Variants in SGCD observed in about 807,000 individuals in gnomAD.
The protein encoded by SGCD is sarcoglycan delta.
SGCD carries 18 observed loss-of-function variants against 36.6 expected under a neutral mutation model. The ratio of observed to expected loss-of-function variants is 0.49; its 90% CI spans 0.34 to 0.73. The LOEUF (loss-of-function observed/expected upper bound fraction) is 0.73. Among genes scored for constraint, SGCD ranks in the 30% least tolerant of loss-of-function variants. SGCD has a pLI of 0.01. For synonymous variants in SGCD, 133 were observed against 130.6 expected (o/e 1.02, Z -0.12); for missense variants, 387 against 346.7 (o/e 1.12, Z -0.92).
At chr5:156,360,619 T>G (rs1042971074) in intron 3 of SGCD, among the ~76,000 whole-genome samples, 3 of 152,002 alleles carry the variant, frequency 2.0e-5, no homozygotes, top group Admixed American at 6.6e-5. Flanking sequence ...CAGCACACAC[T>G]TCCCATCCTG....
At chr5:156,091,246 G>A (rs564872325) in intron 1 of SGCD, among the ~76,000 whole-genome samples, 27 of 152,284 alleles carry the variant, frequency 1.8e-4, no homozygotes, top group African/African-American at 6.5e-4. Flanking sequence ...TTTTAATTTT[G>A]GGAACTAATA....
chr5:155,739,564 G>T, the SGCD span, among the ~76,000 whole-genome samples: 1 of 152,166 alleles, frequency 6.6e-6, no homozygotes, highest in African/African-American at 2.4e-5. Context: ...TAAATTATAA[G>T]AAAATACACT....
intron 3 of SGCD, among the ~76,000 whole-genome samples, chr5:156,456,721 C>T (rs1177087499): frequency 6.6e-6 from 1 of 152,130 alleles, no homozygotes; most frequent in Non-Finnish European, 1.5e-5. Context: ...TTGTTGACGC[C>T]TTAATTTCTG....
chr5:156,308,321 C>T lies in SGCD; in HGVS notation c.-43-21213C>T, dbSNP rs552749426. Among the ~76,000 whole-genome samples, 307 of 145,418 alleles carry T rather than the reference C, an allele frequency of 2.1e-3. 1 individual carries two copies. The highest frequency in any genetic ancestry group is 6.3e-3 in the South Asian group (29 of 4,640). ...CATACTTTTTTTTTTTTTTTTGAGACGGAGTCTCGCCCTGTCACCCAGGCT... is the reference window on the plus strand; with the variant it reads ...CATACTTTTTTTTTTTTTTTTGAGATGGAGTCTCGCCCTGTCACCCAGGCT... On this transcript the variant is annotated intron_variant, in intron 3 of 9. Transcript: ENST00000517913.
At chr5:156,376,185 T>A (rs2127743775) in intron 3 of SGCD, among the ~76,000 whole-genome samples, 1 of 152,356 alleles carries the variant, frequency 6.6e-6, no homozygotes, top group South Asian at 2.1e-4. Flanking sequence ...GAACCCAGTC[T>A]AAAGGAGGTT....
chr5:156,242,201 C>T (rs1304195102), intron 3 of SGCD, among the ~76,000 whole-genome samples: 1 of 152,110 alleles, frequency 6.6e-6, no homozygotes. Flanking sequence ...TTGCTAAGTT[C>T]AAAATCTTAG....
At chr5:156,084,333 G>A (rs186305162) in intron 1 of SGCD, among the ~76,000 whole-genome samples, 1 of 152,118 alleles carries the variant, frequency 6.6e-6, no homozygotes, top group Non-Finnish European at 1.5e-5. Flanking sequence ...TTATGCCACA[G>A]TATTTCATTT....
intron 3 of SGCD, among the ~76,000 whole-genome samples, chr5:156,318,076 AT>A (rs1290480960): frequency 4.6e-5 from 7 of 152,224 alleles, no homozygotes; most frequent in Non-Finnish European, 7.4e-5. Flanking sequence ...TAGAAAGCTG[AT>A]TCTATCAACT....
intron 1 of SGCD, among the ~76,000 whole-genome samples, chr5:155,965,855 G>A (rs1473829583): frequency 2.0e-5 from 3 of 152,154 alleles, no homozygotes; most frequent in Non-Finnish European, 4.4e-5. Context: ...CTACTCTTTT[G>A]TGTTTATCTT....
At chr5:156,747,781 A>G (rs1456559053) in intron 7 of SGCD, among the ~76,000 whole-genome samples, 4 of 152,190 alleles carry the variant, frequency 2.6e-5, no homozygotes, top group Admixed American at 6.5e-5. Flanking sequence ...GAATAACATA[A>G]GGGCATGAAA....
At chr5:156,549,979 T>C (rs1581154925) in intron 4 of SGCD, among the ~76,000 whole-genome samples, 1 of 152,208 alleles carries the variant, frequency 6.6e-6, no homozygotes, top group Non-Finnish European at 1.5e-5. Context: ...TTTGCATACA[T>C]AAACCCACCC....
chr5:156,729,596 ATCTTTTCTATCAGTG>A (rs1446489400), intron 7 of SGCD, among the ~76,000 whole-genome samples: 1 of 152,230 alleles, frequency 6.6e-6, no homozygotes, highest in Non-Finnish European at 1.5e-5. Flanking sequence ...TATCATCATT[ATCTTTTCTATCAGTG>A]TCTTACTGCC....
the SGCD span, among the ~76,000 whole-genome samples, chr5:155,736,384 C>A: frequency 6.6e-6 from 1 of 152,128 alleles, no homozygotes; most frequent in East Asian, 1.9e-4. Flanking sequence ...CATAATCAGG[C>A]TGAGATTATT....
At chr5:156,561,580 G>A (rs1759269271) in intron 4 of SGCD, among the ~76,000 whole-genome samples, 1 of 152,148 alleles carries the variant, frequency 6.6e-6, no homozygotes, top group Non-Finnish European at 1.5e-5. Flanking sequence ...TCCTGTTAGG[G>A]TGGCGGCCAG....
chr5:155,842,974 C>A, the SGCD span, among the ~76,000 whole-genome samples: 1 of 152,134 alleles, frequency 6.6e-6, no homozygotes, highest in South Asian at 2.1e-4. Flanking sequence ...CTATCAACTC[C>A]ATCTAAGAGT....
chr5:156,622,661 A>G (rs1762299625), intron 6 of SGCD, among the ~76,000 whole-genome samples: 1 of 152,108 alleles, frequency 6.6e-6, no homozygotes, highest in Non-Finnish European at 1.5e-5. Flanking sequence ...TGTAGGTTTG[A>G]TGAAGAGTAG....
intron 7 of SGCD, among the ~76,000 whole-genome samples, chr5:156,689,829 A>T (rs1254364004): frequency 6.6e-6 from 1 of 152,172 alleles, no homozygotes; most frequent in Non-Finnish European, 1.5e-5. Context: ...AAGCCCTGGA[A>T]ATAGTCATTA....
At chr5:155,780,099 T>TA in the SGCD span, among the ~76,000 whole-genome samples, 1 of 152,174 alleles carries the variant, frequency 6.6e-6, no homozygotes, top group African/African-American at 2.4e-5. Context: ...ATTTGGATGA[T>TA]ACGTCCATTT....
chr5:156,694,434 C>T (rs1394124919), intron 7 of SGCD, among the ~76,000 whole-genome samples: 3 of 152,192 alleles, frequency 2.0e-5, no homozygotes, highest in East Asian at 3.8e-4. Context: ...TTATCATTGT[C>T]TGTCTGTATA....
Sources: gnomAD v4.1 joint callset for allele counts (sites outside exome capture counted in the v4.1 genomes callset) on GRCh38, gnomAD v4.1.1 for gene constraint, MANE v1.5 for transcripts, NCBI Gene and HGNC (gene_info 2026-07-23, HGNC 2026-07-21) for gene names.